Variants in THSD7A observed in about 807,000 individuals in gnomAD.
THSD7A encodes thrombospondin type-1 domain-containing protein 7A.
A neutral mutation model predicts 231.3 loss-of-function variants in THSD7A; 96 were observed. That is an observed-to-expected ratio of 0.41 (90% CI 0.35 to 0.49). The LOEUF (loss-of-function observed/expected upper bound fraction) is 0.49. THSD7A is among the 20% of genes least tolerant of loss of function. The pLI, the probability that THSD7A is intolerant of heterozygous loss-of-function variation, is 0.05. For synonymous variants in THSD7A, 940 were observed against 743.3 expected (o/e 1.26, Z -4.30); for missense variants, 2,290 against 2,070.2 (o/e 1.11, Z -2.06).
At chr7:11,455,793 G>C (rs566374793) in intron 11 of THSD7A, among the ~76,000 whole-genome samples, 1 of 151,928 alleles carries the variant, frequency 6.6e-6, no homozygotes, top group Non-Finnish European at 1.5e-5. Flanking sequence ...GCTTTAGAGC[G>C]AATGTCAGTG....
chr7:11,658,976 T>C (rs1782814287), intron 1 of THSD7A, among the ~76,000 whole-genome samples: 1 of 151,720 alleles, frequency 6.6e-6, no homozygotes, highest in Non-Finnish European at 1.5e-5. Context: ...GGTATATTTC[T>C]TTGACTCAAA....
intron 22 of THSD7A, among the ~76,000 whole-genome samples, chr7:11,404,485 G>A (rs1783516717): frequency 6.6e-6 from 1 of 152,206 alleles, no homozygotes; most frequent in African/African-American, 2.4e-5. Flanking sequence ...GTCACTTTTT[G>A]TTGCCTCTAT....
At chr7:11,495,218 A>G (rs1787050361) in intron 6 of THSD7A, among the ~76,000 whole-genome samples, 1 of 152,104 alleles carries the variant, frequency 6.6e-6, no homozygotes, top group Non-Finnish European at 1.5e-5. Context: ...CATCTGATTT[A>G]TAAATTAACC....
intron 1 of THSD7A, among the ~76,000 whole-genome samples, chr7:11,791,860 G>C (rs1162328583): frequency 2.0e-5 from 3 of 151,684 alleles, no homozygotes; most frequent in Non-Finnish European, 4.4e-5. Context: ...TTTTGCTGCC[G>C]CCTCTTTCTT....
intron 4 of THSD7A, among the ~76,000 whole-genome samples, chr7:11,588,980 T>C (rs1281680903): frequency 1.3e-5 from 2 of 152,230 alleles, no homozygotes; most frequent in Middle Eastern, 3.2e-3. Context: ...TTTTGAAAGT[T>C]GCAACTGCAA....
intron 4 of THSD7A, among the ~76,000 whole-genome samples, chr7:11,589,447 A>AT (rs1305025677): frequency 3.3e-5 from 5 of 152,094 alleles, no homozygotes; most frequent in Admixed American, 2.0e-4. Flanking sequence ...CATTGAGCTC[A>AT]AGTGCCACTC....
rs562331729 is a variant in THSD7A, at chr7:11,733,053, C to A, written c.191-96092G>T. ...TACTAGTATGAGAATATATTGACAG[C>A]CTCTGGAGATATTTCTATTATTTAG... is the stretch of plus-strand genomic sequence containing the variant. On this transcript the variant is annotated intron_variant, in intron 1 of 27. Coordinates refer to ENST00000423059, the MANE Select transcript of THSD7A (RefSeq NM_015204.3). Among the ~76,000 whole-genome samples, 19 of 151,746 alleles carry A rather than the reference C, an allele frequency of 1.3e-4. No individual in the cohort carries two copies. The Admixed American group carries it at 1.3e-3, about 10-fold the overall frequency.
intron 7 of THSD7A, among the ~76,000 whole-genome samples, chr7:11,477,172 T>C (rs2128303326): frequency 6.6e-6 from 1 of 152,338 alleles, no homozygotes; most frequent in South Asian, 2.1e-4. Context: ...AATCAAGCAT[T>C]ACATTTAGAT....
chr7:11,691,602 C>A (rs1464438010), intron 1 of THSD7A, among the ~76,000 whole-genome samples: 1 of 151,190 alleles, frequency 6.6e-6, no homozygotes, highest in East Asian at 2.0e-4. Flanking sequence ...TATATATAAT[C>A]CATAACATCT....
chr7:11,734,779 A>G lies in THSD7A; in HGVS notation c.190+96978T>C, dbSNP rs528435744. Among the ~76,000 whole-genome samples the G allele has an allele frequency of 8.5e-5, 13 of 152,094 alleles. No individual in the cohort carries two copies. In the East Asian group the frequency reaches 2.1e-3, roughly 25 times the overall value. On this transcript the variant is annotated intron_variant, in intron 1 of 27. Transcript: ENST00000423059. ...TTTCATTTCATACAAGGCATAACACAGTGCTTCACCATATTTCCTGAAAAG... is the reference window on the plus strand; with the variant it reads ...TTTCATTTCATACAAGGCATAACACGGTGCTTCACCATATTTCCTGAAAAG...
intron 1 of THSD7A, among the ~76,000 whole-genome samples, chr7:11,789,238 G>C (rs1185846021): frequency 6.6e-6 from 1 of 152,034 alleles, no homozygotes; most frequent in East Asian, 1.9e-4. Flanking sequence ...ACAGAGTCAA[G>C]AAATTAGATC....
intron 1 of THSD7A, among the ~76,000 whole-genome samples, chr7:11,784,297 C>T (rs1783721570): frequency 6.7e-6 from 1 of 149,848 alleles, no homozygotes; most frequent in South Asian, 2.1e-4. Context: ...TTTTATGCTT[C>T]CTGAATTTTG....
chr7:11,379,729 C>T lies in THSD7A; in HGVS notation c.4508-17G>A, dbSNP rs754437034. The T allele has an allele frequency of 8.9e-6, 14 of 1,565,078 alleles. No individual in the cohort carries two copies. The African/African-American group carries it at 1.5e-4, about 17-fold the overall frequency. On this transcript the variant is annotated splice_polypyrimidine_tract_variant and intron_variant, in intron 24 of 27. Transcript: ENST00000423059. Reference sequence around the variant, plus strand: ...AGCAGCCCCCTGCGGAACAGAAAATCATGTTTTGACAAATAATATATTTTG... The same window carrying T: ...AGCAGCCCCCTGCGGAACAGAAAATTATGTTTTGACAAATAATATATTTTG...
intron 2 of THSD7A, among the ~76,000 whole-genome samples, chr7:11,601,083 A>G (rs1780535045): frequency 6.6e-6 from 1 of 152,226 alleles, no homozygotes; most frequent in Non-Finnish European, 1.5e-5. Flanking sequence ...AAAGTCATGC[A>G]AAATAATGAC....
At chr7:11,412,843 G>C (rs773358650) in intron 17 of THSD7A, 43 bp from the exon 18 acceptor site, 1 of 1,582,810 alleles carries the variant, frequency 6.3e-7, no homozygotes, top group Admixed American at 1.8e-5. Flanking sequence ...TGAATACTCA[G>C]CTACACAACT....
intron 16 of THSD7A, among the ~76,000 whole-genome samples, chr7:11,421,895 A>G (rs527338013): frequency 1.3e-5 from 2 of 152,272 alleles, no homozygotes; most frequent in South Asian, 2.1e-4. Context: ...TTGTTATTTT[A>G]TATTAAAAAT....
intron 1 of THSD7A, among the ~76,000 whole-genome samples, chr7:11,721,447 C>A (rs1583223665): frequency 6.6e-6 from 1 of 151,806 alleles, no homozygotes; most frequent in Admixed American, 6.6e-5. Context: ...ATGCCTGCTG[C>A]CCCTTTGCCT....
chr7:11,712,515 G>C (rs533799723), intron 1 of THSD7A, among the ~76,000 whole-genome samples: 2 of 151,066 alleles, frequency 1.3e-5, no homozygotes, highest in Middle Eastern at 6.8e-3. Flanking sequence ...GACAAACACT[G>C]TCACTAACCT....
intron 11 of THSD7A, among the ~76,000 whole-genome samples, chr7:11,457,393 ACT>A (rs1305871883): frequency 6.6e-6 from 1 of 151,820 alleles, no homozygotes; most frequent in African/African-American, 2.4e-5. Context: ...ATCAACTTTG[ACT>A]CTTTTATTTT....
Sources: allele counts gnomAD v4.1 joint callset (sites outside exome capture counted in the v4.1 genomes callset), GRCh38; gene constraint gnomAD v4.1.1; transcripts MANE v1.5; gene names NCBI Gene and HGNC (gene_info 2026-07-23, HGNC 2026-07-21).